CHKA: variants seen among roughly 807,000 people sequenced by gnomAD.
CHKA encodes the protein CHETK-alpha.
A neutral mutation model predicts 60.1 loss-of-function variants in CHKA; 34 were observed. That is an observed-to-expected ratio of 0.57 (90% CI 0.43 to 0.75). CHKA has a LOEUF of 0.75. Ranked by LOEUF, CHKA falls within the 30% of genes least tolerant of loss-of-function variation. The pLI is 0.00. For synonymous variants in CHKA, 217 were observed against 223.1 expected (o/e 0.97, Z 0.24); for missense variants, 563 against 561.3 (o/e 1.00, Z -0.03).
chr11:68,055,361 C>T (rs1159179230), intron 11 of CHKA, among the ~76,000 whole-genome samples: 1 of 152,142 alleles, frequency 6.6e-6, no homozygotes, highest in African/African-American at 2.4e-5. Context: ...CTGTACTCCT[C>T]CTGCCTGGGC....
At chr11:68,086,652 C>T (rs1291586816) in intron 2 of CHKA, among the ~76,000 whole-genome samples, 2 of 152,146 alleles carry the variant, frequency 1.3e-5, no homozygotes, top group African/African-American at 2.4e-5. Context: ...TGGGTGAAAG[C>T]GGCATAAAGA....
At chr11:68,106,913 T>G (rs928715680) in intron 1 of CHKA, among the ~76,000 whole-genome samples, 43 of 152,078 alleles carry the variant, frequency 2.8e-4, no homozygotes, top group Admixed American at 7.2e-4. Context: ...AACACTGCCC[T>G]CTATTCACTA....
chr11:68,057,294 G>T (rs1327735316), intron 11 of CHKA, among the ~76,000 whole-genome samples: 1 of 152,142 alleles, frequency 6.6e-6, no homozygotes, highest in Non-Finnish European at 1.5e-5. Context: ...TGTAACCCAA[G>T]AAATCTGTGC....
intron 4 of CHKA, 35 bp downstream of exon 4, chr11:68,074,682 C>T: frequency 6.3e-7 from 1 of 1,578,452 alleles, no homozygotes; most frequent in Non-Finnish European, 8.7e-7. Context: ...CTGTCTGTGG[C>T]ATATGTCAAC....
chr11:68,099,549 A>G lies in CHKA; in HGVS notation c.351-2419T>C, dbSNP rs142820363. ...AAGAACAAAAATAAAAGGGAACCCAAAGTTCTTGTTTTCCCAAAGCAAGCT... is the reference window on the plus strand; with the variant it reads ...AAGAACAAAAATAAAAGGGAACCCAGAGTTCTTGTTTTCCCAAAGCAAGCT... On this transcript the variant is annotated intron_variant, in intron 1 of 11. Transcript: ENST00000265689. Among the ~76,000 whole-genome samples the G allele has an allele frequency of 1.9e-4, 29 of 152,360 alleles. 2 individuals carry two copies. In the East Asian group the frequency reaches 5.4e-3, roughly 28 times the overall value.
intron 1 of CHKA, among the ~76,000 whole-genome samples, chr11:68,102,616 A>G (rs1235734055): frequency 6.6e-6 from 1 of 152,210 alleles, no homozygotes; most frequent in Non-Finnish European, 1.5e-5. Flanking sequence ...AAACATAGGG[A>G]AAAAGCTTCA....
intron 1 of CHKA, among the ~76,000 whole-genome samples, chr11:68,120,567 G>A (rs1043480899): frequency 6.6e-6 from 1 of 152,238 alleles, no homozygotes; most frequent in African/African-American, 2.4e-5. Context: ...GAACAGACCC[G>A]TTTTCTCATG....
At chr11:68,092,383 T>C (rs992551921) in intron 2 of CHKA, among the ~76,000 whole-genome samples, 2 of 152,198 alleles carry the variant, frequency 1.3e-5, no homozygotes, top group African/African-American at 2.4e-5. Flanking sequence ...ATAGGCCAGA[T>C]TCATTCTAAA....
chr11:68,079,429 A>G (rs1174378839), intron 3 of CHKA, among the ~76,000 whole-genome samples: 3 of 151,892 alleles, frequency 2.0e-5, no homozygotes, highest in Admixed American at 2.0e-4. Flanking sequence ...TCCTAGGTTC[A>G]CGCCATTCTC....
intron 11 of CHKA, among the ~76,000 whole-genome samples, chr11:68,057,323 C>T (rs2134485963): frequency 6.6e-6 from 1 of 152,212 alleles, no homozygotes; most frequent in Middle Eastern, 3.4e-3. Context: ...GTAAGCTTTT[C>T]TTTTTTTCTT....
intron 1 of CHKA, among the ~76,000 whole-genome samples, chr11:68,106,119 A>G (rs1182213692): frequency 6.6e-6 from 1 of 152,246 alleles, no homozygotes; most frequent in East Asian, 1.9e-4. Flanking sequence ...CTAACCATCT[A>G]AAATTCAAAT....
chr11:68,119,406 T>C (rs1858517367), intron 1 of CHKA, among the ~76,000 whole-genome samples: 1 of 152,132 alleles, frequency 6.6e-6, no homozygotes, highest in Admixed American at 6.5e-5. Context: ...AGCCAGCAAA[T>C]TTCTAGATAC....
Position 68,121,258 on chromosome 11 carries a change from C to G in CHKA, c.-81G>C. 3 of 1,047,376 alleles carry G rather than the reference C, an allele frequency of 2.9e-6. No individual in the cohort carries two copies. Among genetic ancestry groups the G allele is most frequent in the Non-Finnish European group, 3.5e-6 (3 of 866,734 alleles). 64.9% of individuals were successfully genotyped at this position (1,047,376 alleles called of 1,614,324 possible). A position where few individuals can be genotyped will look rare whatever the true frequency, so the allele number is the denominator to read the frequency against. ...AGAGTCCGGCCGGGCGCCCCCTCGC[C>G]GCTCTCTCACTGGCAGGCCGGCGGG... On this transcript the variant is annotated 5_prime_UTR_variant, in exon 1 of 12. Transcript: ENST00000265689.
At chr11:68,114,266 G>A (rs538768264) in intron 1 of CHKA, among the ~76,000 whole-genome samples, 2 of 152,314 alleles carry the variant, frequency 1.3e-5, no homozygotes, top group East Asian at 3.9e-4. Context: ...AATGTTTAGA[G>A]CAACTTTATT....
At chr11:68,074,551 G>A (rs1419182869) in intron 4 of CHKA, among the ~76,000 whole-genome samples, 166 bp downstream of exon 4, 2 of 152,214 alleles carry the variant, frequency 1.3e-5, no homozygotes, top group African/African-American at 2.4e-5. Flanking sequence ...AGGTTCGGAT[G>A]TAAGTACAAA....
At chr11:68,110,607 A>C (rs1226120942) in intron 1 of CHKA, among the ~76,000 whole-genome samples, 1 of 152,190 alleles carries the variant, frequency 6.6e-6, no homozygotes, top group Non-Finnish European at 1.5e-5. Context: ...CAATATTATC[A>C]AGATGTCGGT....
intron 4 of CHKA, among the ~76,000 whole-genome samples, chr11:68,073,632 A>G (rs1856693579): frequency 6.6e-6 from 1 of 152,208 alleles, no homozygotes; most frequent in Admixed American, 6.5e-5. Flanking sequence ...GTCAACTAGA[A>G]GAGGATACCT....
rs559619430 is a variant in CHKA, at chr11:68,053,781, G to A, written c.*207C>T. 39 of 506,070 alleles carry A rather than the reference G, an allele frequency of 7.7e-5. No individual in the cohort carries two copies. Among genetic ancestry groups the A allele is most frequent in the Non-Finnish European group, 1.1e-4 (30 of 282,508 alleles). 31.3% of individuals were successfully genotyped at this position (506,070 alleles called of 1,614,324 possible). A position where few individuals can be genotyped will look rare whatever the true frequency, so the allele number is the denominator to read the frequency against. The stretch of plus-strand genomic sequence containing the variant: ...CACTATATTTCTGCTTCCCGATCTC[G>A]TTTCTGAGTCCTAGTGAAATCGTAA... On this transcript the variant is annotated 3_prime_UTR_variant, in exon 12 of 12. Coordinates refer to ENST00000265689, the MANE Select transcript of CHKA (RefSeq NM_001277.3).
chr11:68,087,601 A>G (rs986593063), intron 2 of CHKA, among the ~76,000 whole-genome samples: 11 of 152,314 alleles, frequency 7.2e-5, no homozygotes, highest in African/African-American at 2.6e-4. Context: ...TAGAAAAAAA[A>G]TTGTGCCATC....
Sources: allele counts gnomAD v4.1 joint callset (sites outside exome capture counted in the v4.1 genomes callset), GRCh38; gene constraint gnomAD v4.1.1; transcripts MANE v1.5; gene names NCBI Gene and HGNC (gene_info 2026-07-23, HGNC 2026-07-21).